C10orf90: variants seen among roughly 807,000 people sequenced by gnomAD.
C10orf90 encodes the protein chromosome 10 open reading frame 90, also known as (E2-independent) E3 ubiquitin-conjugating enzyme FATS.
In C10orf90, 56 loss-of-function variants were observed where a neutral mutation model predicts 62.5. The ratio of observed to expected loss-of-function variants is 0.90; its 90% confidence interval spans 0.72 to 1.12. The LOEUF is 1.12. Among genes scored for constraint, C10orf90 ranks in the 50% most tolerant of loss-of-function variants. The pLI, the probability that C10orf90 is intolerant of heterozygous loss-of-function variation, is 0.00. For synonymous variants in C10orf90, 386 were observed against 340.4 expected (o/e 1.13, Z -1.47); for missense variants, 970 against 880.4 (o/e 1.10, Z -1.29).
chr10:126,537,693 C>T (rs1181517162), intron 2 of C10orf90, among the ~76,000 whole-genome samples: 6 of 152,156 alleles, frequency 3.9e-5, no homozygotes, highest in Non-Finnish European at 7.3e-5. Context: ...AATTCTACAG[C>T]CCAGGAGAGA....
chr10:126,629,985 A>G (rs1350144994), intron 2 of C10orf90, among the ~76,000 whole-genome samples: 3 of 152,178 alleles, frequency 2.0e-5, no homozygotes, highest in Admixed American at 6.5e-5. Context: ...GCTTGCAAAT[A>G]TCTCTGAGTT....
At chr10:126,545,851 T>C (rs1864477941) in intron 2 of C10orf90, among the ~76,000 whole-genome samples, 1 of 152,186 alleles carries the variant, frequency 6.6e-6, no homozygotes, top group Non-Finnish European at 1.5e-5. Flanking sequence ...TTCTGACTTA[T>C]TTCTTATTTC....
intron 2 of C10orf90, among the ~76,000 whole-genome samples, chr10:126,592,397 A>G (rs1222194371): frequency 1.3e-5 from 2 of 152,180 alleles, no homozygotes; most frequent in Non-Finnish European, 2.9e-5. Flanking sequence ...TCACACACCT[A>G]AAACCATCTG....
chr10:126,613,727 T>C (rs1270262374), intron 2 of C10orf90, among the ~76,000 whole-genome samples: 1 of 152,194 alleles, frequency 6.6e-6, no homozygotes, highest in Non-Finnish European at 1.5e-5. Flanking sequence ...ACTTCTCAAT[T>C]AGAATAAATC....
intron 2 of C10orf90, among the ~76,000 whole-genome samples, chr10:126,532,905 G>A (rs1348578219): frequency 2.2e-5 from 3 of 135,810 alleles, no homozygotes; most frequent in African/African-American, 2.7e-5. Context: ...TAAAATAAAG[G>A]CTTGCTACTG....
intron 2 of C10orf90, among the ~76,000 whole-genome samples, chr10:126,607,196 C>T (rs1051764979): frequency 6.6e-6 from 1 of 152,210 alleles, no homozygotes; most frequent in African/African-American, 2.4e-5. Flanking sequence ...ACTTAAACAA[C>T]AATGTTCCTG....
chr10:126,608,871 TC>T (rs553742969), intron 2 of C10orf90, among the ~76,000 whole-genome samples: 56 of 152,320 alleles, frequency 3.7e-4, no homozygotes, highest in Non-Finnish European at 7.5e-4. Flanking sequence ...CTTCGATTTT[TC>T]CCCAGTTTTA....
At chr10:126,650,929 C>G (rs944298401) in intron 1 of C10orf90, among the ~76,000 whole-genome samples, 4 of 152,172 alleles carry the variant, frequency 2.6e-5, no homozygotes, top group Non-Finnish European at 5.9e-5. Flanking sequence ...CCTGCCAGAC[C>G]CACCCTGCAG....
At chr10:126,565,574 C>T (rs528990885) in intron 2 of C10orf90, among the ~76,000 whole-genome samples, 7 of 150,508 alleles carry the variant, frequency 4.7e-5, no homozygotes, top group Admixed American at 4.0e-4. Flanking sequence ...AAAACTGGCA[C>T]GTTTCCAGTG....
intron 5 of C10orf90, chr10:126,463,386 C>A (rs1860110355): frequency 6.6e-6 from 1 of 152,314 alleles, no homozygotes; most frequent in Admixed American, 6.5e-5. Flanking sequence ...CCACATTGCG[C>A]ACGAGGCAGT....
At chr10:126,602,614 G>T (rs1052295570) in intron 2 of C10orf90, among the ~76,000 whole-genome samples, 2 of 152,130 alleles carry the variant, frequency 1.3e-5, no homozygotes, top group African/African-American at 4.8e-5. Flanking sequence ...TTCCTGGTTT[G>T]GACAGAGCCC....
At chr10:126,494,867 C>T (rs1591008602) in intron 4 of C10orf90, among the ~76,000 whole-genome samples, 1 of 152,232 alleles carries the variant, frequency 6.6e-6, no homozygotes, top group African/African-American at 2.4e-5. Context: ...GTTGTGTTCC[C>T]TGCAAAGAGG....
chr10:126,450,786 A>G (rs2134067068), intron 7 of C10orf90, among the ~76,000 whole-genome samples: 1 of 152,330 alleles, frequency 6.6e-6, no homozygotes, highest in Non-Finnish European at 1.5e-5. Flanking sequence ...TTTGGGCAAT[A>G]ATTTTTTGGA....
intron 2 of C10orf90, among the ~76,000 whole-genome samples, chr10:126,584,110 ACT>A (rs1445187092): frequency 1.3e-5 from 2 of 151,804 alleles, no homozygotes; most frequent in African/African-American, 2.4e-5. Flanking sequence ...ACAGAGTAAG[ACT>A]CTATCTCAGA....
intron 7 of C10orf90, among the ~76,000 whole-genome samples, chr10:126,439,436 A>C (rs937667528): frequency 6.6e-6 from 1 of 152,224 alleles, no homozygotes; most frequent in Non-Finnish European, 1.5e-5. Context: ...TAATACCAAC[A>C]AAATAATGTG....
At chr10:126,662,481 G>GA (rs1554934286) in intron 1 of C10orf90, among the ~76,000 whole-genome samples, 2 of 151,994 alleles carry the variant, frequency 1.3e-5, no homozygotes, top group Admixed American at 1.3e-4. Flanking sequence ...TTCTGGAGCT[G>GA]TTTTTTTTCC....
At chr10:126,564,475 T>A (rs1383717223) in intron 2 of C10orf90, among the ~76,000 whole-genome samples, 1 of 151,618 alleles carries the variant, frequency 6.6e-6, no homozygotes, top group Non-Finnish European at 1.5e-5. Flanking sequence ...GAGGCCATAG[T>A]CTCATCCAAG....
chr10:126,559,706 T>C (rs977014171), intron 2 of C10orf90, among the ~76,000 whole-genome samples: 3 of 152,180 alleles, frequency 2.0e-5, no homozygotes, highest in African/African-American at 7.2e-5. Context: ...AGAAGCCTAA[T>C]CATTTAAAAA....
At chr10:126,449,083 GA>G (rs1342483663) in intron 7 of C10orf90, among the ~76,000 whole-genome samples, 1 of 152,014 alleles carries the variant, frequency 6.6e-6, no homozygotes, top group Admixed American at 6.5e-5. Flanking sequence ...AACATTTTAA[GA>G]AAAAGGAAAT....
Sources: allele counts gnomAD v4.1 joint callset (sites outside exome capture counted in the v4.1 genomes callset), GRCh38; gene constraint gnomAD v4.1.1; transcripts MANE v1.5; gene names NCBI Gene and HGNC (gene_info 2026-07-23, HGNC 2026-07-21).